Variants in TENM4 observed in about 807,000 individuals in gnomAD.
TENM4 encodes teneurin-4.
In TENM4, 82 loss-of-function variants were observed where a neutral mutation model predicts 243.3. That is an observed-to-expected ratio of 0.34 (90% CI 0.28 to 0.40). TENM4 has a LOEUF of 0.40. Ranked by LOEUF, TENM4 falls within the 10% of genes least tolerant of loss-of-function variation. The probability of loss-of-function intolerance (pLI) is 1.00; values close to 1 mark genes in which losing one functional copy is unlikely to be tolerated. For missense variants in TENM4, 3,138 were observed against 3,673.3 expected, an observed-to-expected ratio of 0.85 and a Z score of 3.77; for synonymous variants, 1,412 against 1,456.3, an observed-to-expected ratio of 0.97 and a Z score of 0.69.
chr11:79,275,743 T>C (rs1310207662), intron 2 of TENM4, among the ~76,000 whole-genome samples: 1 of 152,214 alleles, frequency 6.6e-6, no homozygotes, highest in Non-Finnish European at 1.5e-5. Context: ...GGGTTAAACT[T>C]CCAGACCCAG....
chr11:78,805,209 T>C (rs1195881455), intron 15 of TENM4, 83 bp downstream of exon 15: 5 of 914,094 alleles, frequency 5.5e-6, no homozygotes, highest in Admixed American at 2.8e-5. Flanking sequence ...TGCTACGTGA[T>C]TGGGAACAGT....
chr11:79,317,971 A>T (rs1856829514), intron 1 of TENM4, among the ~76,000 whole-genome samples: 1 of 152,148 alleles, frequency 6.6e-6, no homozygotes, highest in African/African-American at 2.4e-5. Flanking sequence ...GCCCAAAATG[A>T]CATGTGTTTC....
chr11:79,275,165 T>G (rs1301909781), intron 2 of TENM4, among the ~76,000 whole-genome samples: 1 of 152,168 alleles, frequency 6.6e-6, no homozygotes, highest in East Asian at 1.9e-4. Context: ...CAAGTTAAAA[T>G]CTATTCATGG....
At chr11:79,430,209 GAAAA>G (rs67750723) in intron 1 of TENM4, among the ~76,000 whole-genome samples, 3 of 146,646 alleles carry the variant, frequency 2.0e-5, no homozygotes, top group Non-Finnish European at 4.5e-5. Flanking sequence ...AAAGAAAAAA[GAAAA>G]AAAAAAGGAA....
chr11:79,106,228 A>G (rs1222741007), intron 4 of TENM4, among the ~76,000 whole-genome samples: 1 of 152,262 alleles, frequency 6.6e-6, no homozygotes, highest in Non-Finnish European at 1.5e-5. Context: ...GCGCCAGAGC[A>G]TAGCTACCTA....
At chr11:79,400,380 T>C (rs542111323) in intron 1 of TENM4, among the ~76,000 whole-genome samples, 1 of 152,132 alleles carries the variant, frequency 6.6e-6, no homozygotes, top group South Asian at 2.1e-4. Context: ...CTGGAACAAA[T>C]TGCCTACAAC....
chr11:79,126,991 G>A (rs189668201), intron 4 of TENM4, among the ~76,000 whole-genome samples: 27 of 152,328 alleles, frequency 1.8e-4, no homozygotes, highest in African/African-American at 2.4e-4. Context: ...TAAAGTAGGC[G>A]CTTATGGAGG....
intron 2 of TENM4, among the ~76,000 whole-genome samples, chr11:79,285,067 GTC>G (rs902222737): frequency 9.2e-5 from 14 of 151,910 alleles, no homozygotes; most frequent in African/African-American, 3.1e-4. Flanking sequence ...GTGAAACCCC[GTC>G]TCTACTAAAA....
chr11:79,265,391 C>T (rs186673039), intron 2 of TENM4, among the ~76,000 whole-genome samples: 27 of 152,212 alleles, frequency 1.8e-4, no homozygotes, highest in South Asian at 1.2e-3. Flanking sequence ...CCTTGAAACG[C>T]GGCTCATCCA....
At chr11:78,782,805 T>C (rs557981385) in intron 16 of TENM4, among the ~76,000 whole-genome samples, 1 of 151,406 alleles carries the variant, frequency 6.6e-6, no homozygotes, top group East Asian at 1.9e-4. Context: ...GCACGGAAGA[T>C]TTTGTGGCTT....
chr11:78,911,453 T>G (rs996119191), intron 6 of TENM4, among the ~76,000 whole-genome samples: 1 of 152,242 alleles, frequency 6.6e-6, no homozygotes, highest in Non-Finnish European at 1.5e-5. Context: ...TGGATAGGTT[T>G]GGCTAATGGT....
At chr11:79,272,876 A>G (rs1029564162) in intron 2 of TENM4, among the ~76,000 whole-genome samples, 2 of 152,116 alleles carry the variant, frequency 1.3e-5, no homozygotes, top group African/African-American at 2.4e-5. Context: ...CGTGTTTACC[A>G]CTGAGCCTCC....
intron 4 of TENM4, among the ~76,000 whole-genome samples, chr11:79,090,460 G>T (rs1860918502): frequency 6.6e-6 from 1 of 152,256 alleles, no homozygotes; most frequent in Admixed American, 6.5e-5. Context: ...GGCAGCAAGT[G>T]AAGAGGGCTG....
chr11:79,083,321 G>C (rs142796817), intron 4 of TENM4, among the ~76,000 whole-genome samples: 19 of 152,204 alleles, frequency 1.2e-4, no homozygotes, highest in Admixed American at 1.1e-3. Context: ...GGCAGACTGG[G>C]TGGCTTCAGC....
intron 12 of TENM4, among the ~76,000 whole-genome samples, chr11:78,842,592 AC>A (rs1858285547): frequency 6.6e-6 from 1 of 152,200 alleles, no homozygotes; most frequent in East Asian, 1.9e-4. Flanking sequence ...GCTGGCCTGA[AC>A]CTCATTTTCC....
chr11:79,166,580 T>C (rs909544727), intron 3 of TENM4, among the ~76,000 whole-genome samples: 1 of 152,222 alleles, frequency 6.6e-6, no homozygotes, highest in Non-Finnish European at 1.5e-5. Flanking sequence ...TATTACCTTA[T>C]TTAATCTTCA....
chr11:78,788,866 T>G (rs780455123), intron 15 of TENM4, among the ~76,000 whole-genome samples: 3 of 152,198 alleles, frequency 2.0e-5, no homozygotes, highest in Non-Finnish European at 2.9e-5. Context: ...CTTCAGGCTG[T>G]AAGAATGTGG....
At chr11:79,041,283 T>C (rs1175267639) in intron 6 of TENM4, among the ~76,000 whole-genome samples, 1 of 152,042 alleles carries the variant, frequency 6.6e-6, no homozygotes, top group East Asian at 1.9e-4. Flanking sequence ...AGGCTGGTCT[T>C]GAATTCCTGA....
At chr11:78,662,877 G>A (rs185689099) in intron 32 of TENM4, among the ~76,000 whole-genome samples, 25 of 152,146 alleles carry the variant, frequency 1.6e-4, no homozygotes, top group Admixed American at 9.9e-4. Context: ...GCAGAAGGTG[G>A]CATTTAAGCC....
Sources: allele counts gnomAD v4.1 joint callset (sites outside exome capture counted in the v4.1 genomes callset), GRCh38; gene constraint gnomAD v4.1.1; transcripts MANE v1.5; gene names NCBI Gene and HGNC (gene_info 2026-07-23, HGNC 2026-07-21).